PCDHGB4: variants seen among roughly 807,000 people sequenced by gnomAD.
PCDHGB4 encodes protocadherin gamma-B4.
In PCDHGB4, 38 loss-of-function variants were observed where a neutral mutation model predicts 60.5. That is an observed-to-expected ratio of 0.63 (90% confidence interval 0.48 to 0.82). PCDHGB4 has a LOEUF of 0.82. Ranked by LOEUF, PCDHGB4 falls within the 40% of genes least tolerant of loss-of-function variation. PCDHGB4 has a pLI of 0.00. For missense variants in PCDHGB4, 1,109 were observed against 1,209.6 expected (o/e 0.92, Z 1.23); for synonymous variants, 456 against 509.7 (o/e 0.89, Z 1.42).
intron 1 of PCDHGB4, chr5:141,392,593 C>T (rs986653235): frequency 1.0e-5 from 5 of 494,076 alleles, no homozygotes; most frequent in Admixed American, 7.6e-5. Flanking sequence ...CCGCTGTTCA[C>T]CTACTGGAAG....
chr5:141,453,022 T>C (rs1222692572), intron 1 of PCDHGB4, among the ~76,000 whole-genome samples: 1 of 152,230 alleles, frequency 6.6e-6, no homozygotes, highest in Non-Finnish European at 1.5e-5. Flanking sequence ...ATGTGATTCA[T>C]TAAAATAAAG....
intron 1 of PCDHGB4, among the ~76,000 whole-genome samples, chr5:141,480,187 T>TGAGGCCAGCAGTTC (rs2099513839): frequency 6.6e-6 from 1 of 151,380 alleles, no homozygotes; most frequent in Admixed American, 6.6e-5. Context: ...GCGGATTGCT[T>TGAGGCCAGCAGTTC]GAGGCCAGCA....
chr5:141,427,782 T>G, intron 1 of PCDHGB4: 1 of 1,459,986 alleles, frequency 6.8e-7, no homozygotes, highest in Middle Eastern at 1.7e-4. Context: ...GCGGGCACTG[T>G]CGTCCTACGT....
chr5:141,469,756 A>G (rs2099210350), intron 1 of PCDHGB4, among the ~76,000 whole-genome samples: 1 of 152,252 alleles, frequency 6.6e-6, no homozygotes. Context: ...ACAAAAATAC[A>G]TATATACCAG....
chr5:141,494,386 T>G (rs2099753905), intron 1 of PCDHGB4, among the ~76,000 whole-genome samples: 1 of 152,198 alleles, frequency 6.6e-6, no homozygotes, highest in African/African-American at 2.4e-5. Context: ...GCTGAGGAGT[T>G]GAATAAATTC....
chr5:141,452,360 C>A (rs1045666881), intron 1 of PCDHGB4, among the ~76,000 whole-genome samples: 3 of 152,172 alleles, frequency 2.0e-5, no homozygotes, highest in Non-Finnish European at 4.4e-5. Flanking sequence ...AAAAGCCTTG[C>A]TTCATTTTAG....
At chr5:141,393,363 A>T (rs1464639963) in intron 1 of PCDHGB4, 1 of 1,613,930 alleles carries the variant, frequency 6.2e-7, no homozygotes, top group South Asian at 1.1e-5. Flanking sequence ...GGACGTGCAG[A>T]CTGGAGACAA....
intron 1 of PCDHGB4, chr5:141,441,940 G>T (rs2098285664): frequency 5.9e-6 from 2 of 341,298 alleles, no homozygotes; most frequent in Non-Finnish European, 1.1e-5. Flanking sequence ...GTCCTACCAC[G>T]TGCTGCAGGC....
chr5:141,486,346 C>G lies in PCDHGB4; in HGVS notation c.2398-8461C>G. 1 of 1,614,120 alleles carries G rather than the reference C, an allele frequency of 6.2e-7. No individual in the cohort carries two copies. Among genetic ancestry groups the G allele is most frequent in the East Asian group, 2.2e-5 (1 of 44,874 alleles). ...GAGATGTGAGCCTCCGCATTCCTGA[C>G]CACTTGCCATTTGCCCTCAAGTCTG... On this transcript the variant is annotated intron_variant, in intron 1 of 3. Coordinates refer to ENST00000519479, the MANE Select transcript of PCDHGB4 (RefSeq NM_003736.4). This position sits in a 1 kb window ranked among gnomAD's most constrained non-coding sequence, Gnocchi z 5.0.
At chr5:141,408,410 G>C (rs1329403051) in intron 1 of PCDHGB4, 1 of 1,613,932 alleles carries the variant, frequency 6.2e-7, no homozygotes, top group African/African-American at 1.3e-5. Flanking sequence ...GCGAGTGAGC[G>C]CGGAGAAGCT....
At chr5:141,421,512 G>A in intron 1 of PCDHGB4, 1 of 1,614,094 alleles carries the variant, frequency 6.2e-7, no homozygotes, top group Non-Finnish European at 8.5e-7. Flanking sequence ...ACCGGGAGGA[G>A]CTCTGTGAGA....
chr5:141,478,736 T>C (rs2099474016), intron 1 of PCDHGB4: 1 of 1,534,678 alleles, frequency 6.5e-7, no homozygotes, highest in African/African-American at 1.4e-5. Flanking sequence ...GTGTGGTTTG[T>C]GGTCCCATTT....
chr5:141,485,358 G>A lies in PCDHGB4; in HGVS notation c.2398-9449G>A, dbSNP rs372994272. The A allele has an allele frequency of 1.2e-6, 2 of 1,614,100 alleles. No homozygotes were observed. Among genetic ancestry groups the A allele is most frequent in the Admixed American group, 3.3e-5 (2 of 60,002 alleles). ...CTGGATACGGACAGTCTGTCAGCTC[G>A]CAGGCTGCAGGTCGCTGGAGAGGTG... is the stretch of plus-strand genomic sequence containing the variant. On this transcript the variant is annotated intron_variant, in intron 1 of 3. Transcript: ENST00000519479. This position sits in a 1 kb window ranked among gnomAD's most constrained non-coding sequence, Gnocchi z 5.7.
rs1447057180 is a variant in PCDHGB4, at chr5:141,389,620, C to T, written c.1736C>T (p.Ala579Val). Residue 579 changes from alanine (A) to valine (V), a missense_variant, in exon 1 of 4, where the codon GCT (alanine) becomes GTT (valine). Transcript: ENST00000519479. ...GCGCTCTTCGATATGGTGCCGCACGCTGCAGAGCCTGGCTACTTGGTGACC... is the reference window on the plus strand; with the variant it reads ...GCGCTCTTCGATATGGTGCCGCACGTTGCAGAGCCTGGCTACTTGGTGACC... ...GSALFDMVPH[A>V]AEPGYLVTKV... is the part of the protein sequence containing the mutation. 1 of 1,613,032 alleles carries T rather than the reference C, an allele frequency of 6.2e-7. No homozygotes were observed. The highest frequency in any genetic ancestry group is 1.3e-5 in the African/African-American group (1 of 75,054).
chr5:141,396,628 A>G (rs1384822433), intron 1 of PCDHGB4: 2 of 152,210 alleles, frequency 1.3e-5, no homozygotes, highest in Non-Finnish European at 2.9e-5. Flanking sequence ...TCAAAAAAAA[A>G]AAAAACTAAT....
intron 1 of PCDHGB4, among the ~76,000 whole-genome samples, chr5:141,425,967 G>A (rs1021171082): frequency 2.0e-5 from 3 of 152,214 alleles, no homozygotes; most frequent in Non-Finnish European, 4.4e-5. Flanking sequence ...CAACACATCA[G>A]TCTAATTCTG....
rs758139838 is a variant in PCDHGB4, at chr5:141,431,419, G to C, written c.2397+41138G>C. The C allele has an allele frequency of 1.5e-5, 25 of 1,613,700 alleles. No individual in the cohort carries two copies. The highest frequency in any genetic ancestry group is 2.0e-5 in the Non-Finnish European group (24 of 1,180,046). On this transcript the variant is annotated intron_variant, in intron 1 of 3. Coordinates refer to ENST00000519479, the MANE Select transcript of PCDHGB4 (RefSeq NM_003736.4). This position sits in a 1 kb window ranked among gnomAD's most constrained non-coding sequence, Gnocchi z 4.8. ...TTACGGCCTCCGACGGGGGCGACCC[G>C]GTGCGCACAGGCACCGCGCGCATCC... is the stretch of plus-strand genomic sequence containing the variant.
chr5:141,430,951 C>A, intron 1 of PCDHGB4: 3 of 1,610,496 alleles, frequency 1.9e-6, no homozygotes, highest in Non-Finnish European at 2.5e-6. Flanking sequence ...AGCGCGGAGT[C>A]CGCATCATCC....
intron 1 of PCDHGB4, among the ~76,000 whole-genome samples, chr5:141,447,353 G>C (rs559895274): frequency 6.6e-6 from 1 of 152,032 alleles, no homozygotes; most frequent in Admixed American, 6.6e-5. Context: ...TGGTCAGGCT[G>C]GTCTCAAACT....
Sources: gnomAD v4.1 joint callset for allele counts (sites outside exome capture counted in the v4.1 genomes callset) on GRCh38, gnomAD v4.1.1 for gene constraint, Gnocchi (gnomAD v3.1) non-coding constraint, MANE v1.5 for transcripts, NCBI Gene and HGNC (gene_info 2026-07-23, HGNC 2026-07-21) for gene names.